The following EML5 variants were observed in gnomAD, a reference collection of about 807,000 sequenced individuals.
The protein encoded by EML5 is echinoderm microtubule-associated protein-like 5.
In EML5, 120 loss-of-function variants were observed where a neutral mutation model predicts 250.0. The ratio of observed to expected loss-of-function variants is 0.48; its 90% CI spans 0.41 to 0.56. The LOEUF is 0.56. Ranked by LOEUF, EML5 falls within the 20% of genes least tolerant of loss-of-function variation. EML5 has a pLI of 0.00. For synonymous variants in EML5, 771 were observed against 806.5 expected (o/e 0.96, Z 0.75); for missense variants, 2,006 against 2,437.6 (o/e 0.82, Z 3.73).
At chr14:88,694,283 A>C (rs1223120925) in intron 17 of EML5, 24 bp downstream of exon 17, 1 of 1,463,880 alleles carries the variant, frequency 6.8e-7, no homozygotes, top group Non-Finnish European at 9.4e-7. Context: ...AATTCTATGG[A>C]GTAAAAAAGA....
chr14:88,790,369 T>C (rs893576492), intron 1 of EML5, among the ~76,000 whole-genome samples: 1 of 152,244 alleles, frequency 6.6e-6, no homozygotes, highest in South Asian at 2.1e-4. Flanking sequence ...GTTTGTTGTT[T>C]TGTATAAGTT....
chr14:88,626,835 T>C lies in EML5; in HGVS notation c.4740+3A>G. 1 of 1,613,728 alleles carries C rather than the reference T, an allele frequency of 6.2e-7. No homozygotes were observed. Among genetic ancestry groups the C allele is most frequent in the Non-Finnish European group, 8.5e-7 (1 of 1,179,812 alleles). On this transcript the variant is annotated splice_donor_region_variant and intron_variant, in intron 35 of 43. Coordinates refer to ENST00000554922, the MANE Select transcript of EML5 (RefSeq NM_183387.3). ...CACACTATGTGCATTTTAAGAGACA[T>C]ACTGCACCAAATGCAATAGCGAGCA...
Position 88,643,023 on chromosome 14 carries a change from C to A in EML5, c.4108-1G>T. ...CAAAAATGAGCTCCAACACAAGGTC[C>A]TATAATGATAATAATAAAACCATTA... On this transcript the variant is annotated splice_acceptor_variant, in intron 30 of 43. Transcript: ENST00000554922. LOFTEE classifies it high-confidence loss of function. 6.4e-7 allele frequency: 1 copy of A among 1,569,186 alleles called. No homozygotes were observed. The highest frequency in any genetic ancestry group is 2.2e-5 in the Admixed American group (1 of 45,848).
At chr14:88,627,538 C>A in intron 34 of EML5, 108 bp downstream of exon 34, 1 of 1,163,990 alleles carries the variant, frequency 8.6e-7, no homozygotes, top group Non-Finnish European at 1.2e-6. Context: ...TAGGCCTCCA[C>A]TGAATGATTG....
chr14:88,739,600 T>G (rs1441742987), intron 5 of EML5, among the ~76,000 whole-genome samples: 1 of 152,090 alleles, frequency 6.6e-6, no homozygotes, highest in Non-Finnish European at 1.5e-5. Flanking sequence ...AGAATAACAT[T>G]TAGGTAACTT....
Position 88,693,477 on chromosome 14 carries a change from C to T in EML5, c.2539+830G>A, listed in dbSNP as rs533255125. On this transcript the variant is annotated intron_variant, in intron 17 of 43. Transcript: ENST00000554922. ...CTTCCACAAGAACAGTATGGCGAAC[C>T]GCCCCCATGATTCAATTATCTCTAC... 7.9e-5 allele frequency among the ~76,000 whole-genome samples: 12 copies of T among 152,266 alleles called. No homozygotes were observed. In the South Asian group the frequency reaches 2.1e-3, roughly 26 times the overall value.
intron 1 of EML5, among the ~76,000 whole-genome samples, chr14:88,787,783 T>A (rs79525416): frequency 6.6e-6 from 1 of 152,128 alleles, no homozygotes; most frequent in Non-Finnish European, 1.5e-5. Flanking sequence ...GGACATTTTA[T>A]TAAATATGTT....
chr14:88,758,154 G>C (rs2094188861), intron 1 of EML5, among the ~76,000 whole-genome samples: 1 of 151,020 alleles, frequency 6.6e-6, no homozygotes, highest in Non-Finnish European at 1.5e-5. Context: ...ACTGCTCCCA[G>C]TCCACTTCTA....
rs924514298 is a variant in EML5, at chr14:88,618,220, G to C, written c.5642+8C>G. On this transcript the variant is annotated splice_region_variant and intron_variant, in intron 41 of 43. Transcript: ENST00000554922. ...CAGTTCTTGCCTTGTGAATATATAAGTATTTACCTAGTCCATGTAGCCCAA... is the reference window on the plus strand; with the variant it reads ...CAGTTCTTGCCTTGTGAATATATAACTATTTACCTAGTCCATGTAGCCCAA... The C allele has an allele frequency of 1.9e-6, 3 of 1,611,702 alleles. No individual in the cohort carries two copies. Among genetic ancestry groups the C allele is most frequent in the Non-Finnish European group, 1.7e-6 (2 of 1,178,262 alleles).
intron 17 of EML5, among the ~76,000 whole-genome samples, chr14:88,690,692 T>C (rs544343484): frequency 3.3e-5 from 5 of 152,304 alleles, no homozygotes; most frequent in African/African-American, 9.6e-5. Flanking sequence ...GTGTCACTTA[T>C]TTAAGATGGC....
rs1478536544 is a variant in EML5 at position 88,656,721 on chromosome 14, C to T, written c.4004+655G>A. On this transcript the variant is annotated intron_variant, in intron 27 of 43. Transcript: ENST00000554922. ...AATAATTCCCATTAAAGACAACCTG[C>T]CTTTTTAGAAAATTTTTGAAATGAG... Among the ~76,000 whole-genome samples, 4 of 149,938 alleles carry T rather than the reference C, an allele frequency of 2.7e-5. No individual in the cohort carries two copies. In the Admixed American group the frequency reaches 2.7e-4, roughly 10 times the overall value.
At chr14:88,630,455 C>A (rs915028738) in intron 33 of EML5, among the ~76,000 whole-genome samples, 2 of 152,178 alleles carry the variant, frequency 1.3e-5, no homozygotes, top group Non-Finnish European at 2.9e-5. Flanking sequence ...TACATCCTTT[C>A]TTCCTACCAA....
intron 33 of EML5, among the ~76,000 whole-genome samples, chr14:88,628,335 G>C (rs2090179274): frequency 6.6e-6 from 1 of 151,842 alleles, no homozygotes; most frequent in South Asian, 2.1e-4. Flanking sequence ...TAGACATCTG[G>C]TAAAAAGCTA....
At chr14:88,779,200 A>T (rs1037362570) in intron 1 of EML5, among the ~76,000 whole-genome samples, 1 of 152,216 alleles carries the variant, frequency 6.6e-6, no homozygotes, top group Non-Finnish European at 1.5e-5. Context: ...GATATTTGTT[A>T]CCATACCAAA....
At chr14:88,670,802 C>T (rs1336748994) in intron 21 of EML5, among the ~76,000 whole-genome samples, 3 of 151,468 alleles carry the variant, frequency 2.0e-5, no homozygotes, top group African/African-American at 7.3e-5. Flanking sequence ...ATAGACCAAG[C>T]ACAGGGAAGA....
intron 1 of EML5, among the ~76,000 whole-genome samples, chr14:88,775,546 G>A (rs1286073002): frequency 6.6e-6 from 1 of 152,212 alleles, no homozygotes; most frequent in African/African-American, 2.4e-5. Flanking sequence ...TTAGAGAGAA[G>A]AGTGGGAAGG....
chr14:88,718,241 A>ATGT (rs2093533544), intron 8 of EML5, among the ~76,000 whole-genome samples: 1 of 152,212 alleles, frequency 6.6e-6, no homozygotes, highest in East Asian at 1.9e-4. Context: ...AAGTAACTGG[A>ATGT]TATGCATAGC....
chr14:88,732,275 T>A (rs975778297), intron 7 of EML5, among the ~76,000 whole-genome samples: 18 of 152,238 alleles, frequency 1.2e-4, no homozygotes, highest in African/African-American at 4.3e-4. Flanking sequence ...GTTTCAGCTT[T>A]CTACATATGG....
At chr14:88,758,340 GCAC>G (rs2094191413) in intron 1 of EML5, among the ~76,000 whole-genome samples, 1 of 151,850 alleles carries the variant, frequency 6.6e-6, no homozygotes, top group African/African-American at 2.4e-5. Context: ...TTACAGGCAT[GCAC>G]CACCACGCCC....
Sources: allele counts gnomAD v4.1 joint callset (sites outside exome capture counted in the v4.1 genomes callset), GRCh38; gene constraint gnomAD v4.1.1; transcripts MANE v1.5; gene names NCBI Gene and HGNC (gene_info 2026-07-23, HGNC 2026-07-21).